Variants in ZNF540 observed in about 807,000 individuals in gnomAD.
The protein encoded by ZNF540 is zinc finger protein 540, also known as CTD-3064H18.6.
ZNF540 carries 3 observed loss-of-function variants against 11.8 expected under a neutral mutation model. The observed-to-expected ratio is 0.25, with a 90% CI of 0.12 to 0.65. The LOEUF is 0.65. ZNF540 is among the 30% of genes least tolerant of loss of function. The probability of loss-of-function intolerance (pLI) is 0.83; values close to 1 mark genes in which losing one functional copy is unlikely to be tolerated. For missense variants in ZNF540, 709 were observed against 793.1 expected (o/e 0.89, Z 1.27); for synonymous variants, 247 against 259.0 (o/e 0.95, Z 0.45).
intron 4 of ZNF540, among the ~76,000 whole-genome samples, chr19:37,603,381 T>C (rs757595842): frequency 6.6e-6 from 1 of 152,088 alleles, no homozygotes; most frequent in Non-Finnish European, 1.5e-5. Flanking sequence ...GGAAGGATAA[T>C]TATGGAAATT....
chr19:37,613,512 A>G lies in ZNF540; in HGVS notation c.*249A>G. 4.9e-6 allele frequency: 2 copies of G among 406,012 alleles called. No homozygotes were observed. The allele number at this position is 406,012 out of a possible 1,614,324, so 25.2% of individuals were successfully genotyped here. Reference sequence around the variant, plus strand: ...ATCATCATTGCCTTTCCACTACTCTACTATCTGTGTGATATTAGACAAAAT... The same window carrying G: ...ATCATCATTGCCTTTCCACTACTCTGCTATCTGTGTGATATTAGACAAAAT... On this transcript the variant is annotated 3_prime_UTR_variant, in exon 5 of 5. Transcript: ENST00000316433.
intron 1 of ZNF540, among the ~76,000 whole-genome samples, chr19:37,557,534 T>C (rs1359875599): frequency 6.6e-6 from 1 of 152,156 alleles, no homozygotes; most frequent in Non-Finnish European, 1.5e-5. Context: ...TCTGTCTCCG[T>C]GGTAACAGCT....
intron 1 of ZNF540, among the ~76,000 whole-genome samples, chr19:37,584,888 C>T (rs1303589716): frequency 6.6e-6 from 1 of 150,412 alleles, no homozygotes; most frequent in African/African-American, 2.5e-5. Flanking sequence ...GGCGTGAACC[C>T]TGGAGGCGGA....
chr19:37,597,779 C>A (rs1021794773), intron 1 of ZNF540, among the ~76,000 whole-genome samples: 1 of 152,206 alleles, frequency 6.6e-6, no homozygotes, highest in African/African-American at 2.4e-5. Flanking sequence ...GCTGTGTGGC[C>A]CATACAATCT....
chr19:37,613,112 A>C lies in ZNF540; in HGVS notation c.1832A>C (p.Gln611Pro). The change falls in exon 5 of 5, where the codon CAA becomes CCA. Residue 611 changes from glutamine to proline, a missense_variant. Coordinates refer to ENST00000316433, the MANE Select transcript of ZNF540 (RefSeq NM_001172225.3). Reference protein sequence around the residue: ...HTGEKPYECKQCGKAFRLNSH... With the variant: ...HTGEKPYECKPCGKAFRLNSH... ...GGTGAGAAACCCTATGAGTGTAAAC[A>C]ATGTGGGAAGGCCTTTAGACTTAAT... 1 of 1,613,830 alleles carries C rather than the reference A, an allele frequency of 6.2e-7. No homozygotes were observed. The highest frequency in any genetic ancestry group is 8.5e-7 in the Non-Finnish European group (1 of 1,179,932).
At chr19:37,589,595 G>C (rs920298740) in intron 1 of ZNF540, among the ~76,000 whole-genome samples, 8 of 152,122 alleles carry the variant, frequency 5.3e-5, no homozygotes, top group South Asian at 2.1e-4. Context: ...ATATCATTAA[G>C]ATCCTACTGG....
intron 1 of ZNF540, among the ~76,000 whole-genome samples, chr19:37,574,894 C>T (rs1357991036): frequency 6.6e-6 from 1 of 152,184 alleles, no homozygotes; most frequent in Non-Finnish European, 1.5e-5. Context: ...CATGAGTCGG[C>T]CTTCATAACT....
At chr19:37,600,967 T>G in intron 3 of ZNF540, 43 bp from the exon 4 acceptor site, 1 of 1,464,862 alleles carries the variant, frequency 6.8e-7, no homozygotes, top group Non-Finnish European at 9.3e-7. Context: ...GAATGTGCAA[T>G]GTTTTATTTC....
At chr19:37,578,676 C>G (rs1237367705) in intron 1 of ZNF540, among the ~76,000 whole-genome samples, 1 of 151,960 alleles carries the variant, frequency 6.6e-6, no homozygotes, top group Non-Finnish European at 1.5e-5. Context: ...CACAGCGACC[C>G]TGTCCCCACC....
intron 1 of ZNF540, chr19:37,586,946 C>G (rs2043694775): frequency 1.1e-5 from 5 of 453,186 alleles, no homozygotes; most frequent in Non-Finnish European, 1.5e-5. Context: ...ACCCTAGGTG[C>G]TGTTACTTTC....
intron 1 of ZNF540, among the ~76,000 whole-genome samples, chr19:37,597,986 A>T (rs947145798): frequency 1.3e-5 from 2 of 152,228 alleles, no homozygotes; most frequent in Non-Finnish European, 2.9e-5. Context: ...GGAGGCCAGG[A>T]AGCTCCTAAG....
intron 4 of ZNF540, among the ~76,000 whole-genome samples, chr19:37,606,012 T>C (rs1209144592): frequency 6.6e-6 from 1 of 152,246 alleles, no homozygotes; most frequent in Non-Finnish European, 1.5e-5. Context: ...GCAGGAATCA[T>C]GACAATCCAG....
At chr19:37,565,925 T>C in intron 1 of ZNF540, 1 of 1,613,948 alleles carries the variant, frequency 6.2e-7, no homozygotes, top group Non-Finnish European at 8.5e-7. Context: ...TTTCTTAACT[T>C]CAGAGCATTT....
intron 1 of ZNF540, among the ~76,000 whole-genome samples, chr19:37,584,663 T>C (rs2043597585): frequency 6.6e-6 from 1 of 152,198 alleles, no homozygotes; most frequent in Non-Finnish European, 1.5e-5. Flanking sequence ...TGGGAGTATC[T>C]GAATTAGACA....
At chr19:37,599,998 A>C (rs1204496392) in intron 3 of ZNF540, among the ~76,000 whole-genome samples, 1 of 152,194 alleles carries the variant, frequency 6.6e-6, no homozygotes, top group African/African-American at 2.4e-5. Flanking sequence ...TTAATAGTTA[A>C]GAGACTGGAT....
intron 1 of ZNF540, among the ~76,000 whole-genome samples, chr19:37,581,463 T>C (rs1361912697): frequency 1.3e-5 from 2 of 150,042 alleles, no homozygotes; most frequent in African/African-American, 5.0e-5. Flanking sequence ...TCTTTCTTTC[T>C]TTCTTTTTTT....
chr19:37,572,967 C>T (rs1366252272), intron 1 of ZNF540, among the ~76,000 whole-genome samples: 2 of 152,116 alleles, frequency 1.3e-5, no homozygotes, highest in African/African-American at 2.4e-5. Flanking sequence ...AGTTAGACTA[C>T]GTCTCAATAA....
At chr19:37,571,792 C>T (rs2043062864) in intron 1 of ZNF540, among the ~76,000 whole-genome samples, 1 of 152,190 alleles carries the variant, frequency 6.6e-6, no homozygotes, top group Admixed American at 6.5e-5. Context: ...TAAGTATGGG[C>T]TAGCCTAACT....
At chr19:37,584,625 A>AT (rs2043596356) in intron 1 of ZNF540, among the ~76,000 whole-genome samples, 1 of 152,158 alleles carries the variant, frequency 6.6e-6, no homozygotes, top group African/African-American at 2.4e-5. Context: ...ACATATTTCC[A>AT]TTTTACATAC....
Sources: gnomAD v4.1 joint callset for allele counts (sites outside exome capture counted in the v4.1 genomes callset) on GRCh38, gnomAD v4.1.1 for gene constraint, MANE v1.5 for transcripts, NCBI Gene and HGNC (gene_info 2026-07-23, HGNC 2026-07-21) for gene names.